Variants in NRXN3 observed in about 807,000 individuals in gnomAD.
NRXN3 encodes neurexin III.
A neutral mutation model predicts 137.6 loss-of-function variants in NRXN3; 32 were observed. That is an observed-to-expected ratio of 0.23 (90% CI 0.18 to 0.31). The LOEUF is 0.31. NRXN3 is among the 10% of genes least tolerant of loss of function. The pLI, the probability that NRXN3 is intolerant of heterozygous loss-of-function variation, is 1.00. For synonymous variants in NRXN3, 798 were observed against 784.5 expected, an observed-to-expected ratio of 1.02 and a Z score of -0.29; for missense variants, 1,574 against 2,062.5, an observed-to-expected ratio of 0.76 and a Z score of 4.59.
At chr14:78,663,984 G>A (rs748922212) in intron 6 of NRXN3, among the ~76,000 whole-genome samples, 3 of 152,186 alleles carry the variant, frequency 2.0e-5, no homozygotes, top group Non-Finnish European at 4.4e-5. Context: ...CGGTGCTTTT[G>A]TAACCTTGTG....
intron 16 of NRXN3, among the ~76,000 whole-genome samples, chr14:79,497,864 G>A (rs1033298841): frequency 1.6e-4 from 25 of 151,970 alleles, no homozygotes; most frequent in Admixed American, 1.0e-3. Context: ...GTGAAACCCC[G>A]TCTCTACTAA....
At chr14:79,606,104 C>T (rs898541280) in intron 16 of NRXN3, among the ~76,000 whole-genome samples, 1 of 152,142 alleles carries the variant, frequency 6.6e-6, no homozygotes, top group African/African-American at 2.4e-5. Flanking sequence ...CAAAAACCCA[C>T]TCAGGAGGGA....
intron 10 of NRXN3, among the ~76,000 whole-genome samples, chr14:78,944,710 A>G (rs1026311519): frequency 6.6e-6 from 1 of 152,198 alleles, no homozygotes; most frequent in Non-Finnish European, 1.5e-5. Context: ...TGGAGCCTTT[A>G]TGACCTGCTC....
At chr14:78,280,027 C>G (rs1356566480) in intron 3 of NRXN3, among the ~76,000 whole-genome samples, 1 of 152,110 alleles carries the variant, frequency 6.6e-6, no homozygotes, top group Non-Finnish European at 1.5e-5. Context: ...TGAACCAAAG[C>G]CCAGGACAGC....
At chr14:78,864,478 A>AT (rs377427281) in intron 10 of NRXN3, among the ~76,000 whole-genome samples, 56 of 152,256 alleles carry the variant, frequency 3.7e-4, no homozygotes, top group African/African-American at 1.3e-3. Flanking sequence ...AATGTGAATT[A>AT]TTGTCATTAA....
chr14:79,390,915 CA>C (rs1283615836), intron 15 of NRXN3, among the ~76,000 whole-genome samples: 1 of 152,100 alleles, frequency 6.6e-6, no homozygotes. Flanking sequence ...GGTTAGTTAG[CA>C]CGAGAGTGGC....
At chr14:79,746,353 CTGAGCACTTTTTGAGCATCTT>C in intron 19 of NRXN3, among the ~76,000 whole-genome samples, 1 of 152,102 alleles carries the variant, frequency 6.6e-6, no homozygotes, top group Non-Finnish European at 1.5e-5. Context: ...AGTCAGGGTG[CTGAGCACTTTTTGAGCATCTT>C]TGAGCACTTT....
At chr14:78,962,295 T>C (rs773103086) in intron 11 of NRXN3, among the ~76,000 whole-genome samples, 14 of 152,212 alleles carry the variant, frequency 9.2e-5, no homozygotes, top group Admixed American at 2.0e-4. Flanking sequence ...TACAATTTTA[T>C]TGTGATAATG....
At position 79,626,756 on chromosome 14, in the gene NRXN3, C is replaced by T. The variant is rs532767799; in HGVS notation, c.3445-37022C>T. Among the ~76,000 whole-genome samples, 7 of 152,314 alleles carry T rather than the reference C, an allele frequency of 4.6e-5. No homozygotes were observed. In the South Asian group the frequency reaches 1.2e-3, roughly 27 times the overall value. ...GAGGGTTTACAAATTCAAGATTTCT[C>T]AGCACGATTAGCCCTAATAGTATGC... On this transcript the variant is annotated intron_variant, in intron 16 of 20. Transcript: ENST00000335750.
chr14:79,115,320 T>C (rs1277597799), intron 15 of NRXN3, among the ~76,000 whole-genome samples: 1 of 90,322 alleles, frequency 1.1e-5, no homozygotes, highest in Non-Finnish European at 2.2e-5. Flanking sequence ...AACGAAACTC[T>C]GTCTCAAAAA....
intron 4 of NRXN3, among the ~76,000 whole-genome samples, chr14:78,332,340 G>A (rs1389730251): frequency 7.1e-6 from 1 of 140,862 alleles, no homozygotes; most frequent in Non-Finnish European, 1.5e-5. Context: ...TTTTTTGATG[G>A]AGTCTTGCTC....
At chr14:78,389,166 T>G (rs1251598194) in intron 4 of NRXN3, among the ~76,000 whole-genome samples, 1 of 151,866 alleles carries the variant, frequency 6.6e-6, no homozygotes, top group Non-Finnish European at 1.5e-5. Context: ...AGCAATTCTC[T>G]TGCCTCAGCC....
intron 2 of NRXN3, among the ~76,000 whole-genome samples, chr14:78,260,399 A>G (rs1287956280): frequency 6.6e-6 from 1 of 152,192 alleles, no homozygotes; most frequent in Non-Finnish European, 1.5e-5. Flanking sequence ...GAGGACCACA[A>G]ATGAAGCCAG....
At chr14:78,869,585 C>T (rs1399494182) in intron 10 of NRXN3, among the ~76,000 whole-genome samples, 1 of 152,158 alleles carries the variant, frequency 6.6e-6, no homozygotes, top group Non-Finnish European at 1.5e-5. Context: ...AAATATTGCA[C>T]TTCATTTCAT....
chr14:79,462,344 G>A (rs2096356380), intron 15 of NRXN3, among the ~76,000 whole-genome samples: 1 of 151,946 alleles, frequency 6.6e-6, no homozygotes, highest in Non-Finnish European at 1.5e-5. Context: ...TTGCACTCCA[G>A]CCTGGGTGAC....
At chr14:79,611,764 A>G (rs2098106007) in intron 16 of NRXN3, 2 of 152,214 alleles carry the variant, frequency 1.3e-5, no homozygotes, top group Non-Finnish European at 2.9e-5. Context: ...GTGCACTCAC[A>G]TTGCCTGTAT....
At chr14:79,389,515 C>T (rs1218126613) in intron 15 of NRXN3, among the ~76,000 whole-genome samples, 2 of 152,192 alleles carry the variant, frequency 1.3e-5, no homozygotes, top group Non-Finnish European at 2.9e-5. Flanking sequence ...CTTTATGGAA[C>T]ACATTCAAAC....
chr14:79,380,790 TTGG>T, intron 15 of NRXN3, among the ~76,000 whole-genome samples: 1 of 152,200 alleles, frequency 6.6e-6, no homozygotes, highest in East Asian at 1.9e-4. Context: ...TTTTACACTG[TTGG>T]TGGGACTGTA....
chr14:78,943,963 T>C (rs2099360324), intron 10 of NRXN3, among the ~76,000 whole-genome samples: 1 of 151,700 alleles, frequency 6.6e-6, no homozygotes, highest in African/African-American at 2.4e-5. Context: ...GACTGGGGTG[T>C]TGAAGGGTGA....
Sources: gnomAD v4.1 joint callset for allele counts (sites outside exome capture counted in the v4.1 genomes callset) on GRCh38, gnomAD v4.1.1 for gene constraint, MANE v1.5 for transcripts, NCBI Gene and HGNC (gene_info 2026-07-23, HGNC 2026-07-21) for gene names.